The following CMKLR2 variants were observed in gnomAD, a reference collection of about 807,000 sequenced individuals.
CMKLR2 encodes chemerin chemokine-like receptor 2.
CMKLR2 carries 18 observed loss-of-function variants against 23.0 expected under a neutral mutation model. The observed-to-expected ratio is 0.78, with a 90% CI of 0.54 to 1.16. The LOEUF (loss-of-function observed/expected upper bound fraction) is 1.16. CMKLR2 is among the 50% of genes most tolerant of loss of function. The pLI is 0.00. For synonymous variants in CMKLR2, 158 were observed against 158.9 expected, an observed-to-expected ratio of 0.99 and a Z score of 0.05; for missense variants, 401 against 412.7, an observed-to-expected ratio of 0.97 and a Z score of 0.25.
chr2:206,196,019 A>G (rs1320832957), intron 1 of CMKLR2, among the ~76,000 whole-genome samples: 2 of 152,114 alleles, frequency 1.3e-5, no homozygotes, highest in Non-Finnish European at 2.9e-5. Context: ...TCTTATCTAA[A>G]TTGGTAAATG....
At chr2:206,185,645 G>A (rs878953016) in intron 1 of CMKLR2, among the ~76,000 whole-genome samples, 1 of 152,144 alleles carries the variant, frequency 6.6e-6, no homozygotes, top group Non-Finnish European at 1.5e-5. Flanking sequence ...TAGACTGTTA[G>A]GTATAATGGT....
At chr2:206,180,718 G>A (rs11676076) in intron 1 of CMKLR2, among the ~76,000 whole-genome samples, 57,813 of 136,942 alleles carry the variant, frequency 0.42, 11,669 homozygotes, top group African/African-American at 0.53. Flanking sequence ...ACAGGAGTGA[G>A]TAACTGTGCC....
chr2:206,193,018 C>T (rs1350926181), intron 1 of CMKLR2, among the ~76,000 whole-genome samples: 2 of 152,094 alleles, frequency 1.3e-5, no homozygotes, highest in East Asian at 3.8e-4. Flanking sequence ...AAAGCCTGGG[C>T]ATGTTTAGTA....
At chr2:206,181,534 G>A (rs943656832) in intron 1 of CMKLR2, among the ~76,000 whole-genome samples, 2 of 152,070 alleles carry the variant, frequency 1.3e-5, no homozygotes, top group African/African-American at 4.8e-5. Flanking sequence ...ACTATTAATA[G>A]CCTTCTGTTG....
chr2:206,197,204 G>A (rs182585620), intron 1 of CMKLR2, among the ~76,000 whole-genome samples: 14 of 151,984 alleles, frequency 9.2e-5, no homozygotes, highest in East Asian at 1.9e-4. Flanking sequence ...CACTGCGCCC[G>A]GCCCAAATGC....
At chr2:206,214,140 C>A (rs1437092215), upstream of CMKLR2, among the ~76,000 whole-genome samples, 2 of 143,586 alleles carry the variant, frequency 1.4e-5, no homozygotes, top group Admixed American at 7.4e-5. Context: ...AGGCATGAAC[C>A]ACCACGCCTG....
At position 206,176,799 on chromosome 2, in the gene CMKLR2, G is replaced by A; in HGVS notation, c.449C>T (p.Thr150Ile). 6.2e-7 allele frequency: 1 copy of A among 1,614,118 alleles called. No homozygotes were observed. The highest frequency in any genetic ancestry group is 8.5e-7 in the Non-Finnish European group (1 of 1,180,008). Residue 150 changes from threonine to isoleucine, a missense_variant, in exon 2 of 2, where the codon ACC becomes ATC. Thr to Ile is a moderately conservative substitution (Grantham distance 89). Transcript: ENST00000621141. ...IHPVLSHRHR[T>I]LKNSLIVIIF... ...AATGACAATCAGAGAGTTCTTGAGG[G>A]TTCGATGCCGATGAGATAAGACAGG... is the stretch of plus-strand genomic sequence containing the variant.
upstream of CMKLR2, chr2:206,217,768 G>A (rs1689800416): frequency 6.6e-6 from 1 of 152,208 alleles, no homozygotes; most frequent in Non-Finnish European, 1.5e-5. Flanking sequence ...CACAAGGCAT[G>A]CGCGGGGTGT....
chr2:206,180,326 T>TA (rs78880450), intron 1 of CMKLR2, among the ~76,000 whole-genome samples: 15,016 of 142,034 alleles, frequency 0.11, 878 homozygotes, highest in Admixed American at 0.2. Flanking sequence ...AACTGTCTCT[T>TA]AAAAAAAAAA....
chr2:206,176,620 TCA>T lies in CMKLR2; in HGVS notation c.626_627del (p.Val209GlufsTer34), dbSNP rs1688224550. 1 of 1,614,160 alleles carries T rather than the reference TCA, an allele frequency of 6.2e-7. No homozygotes were observed. Among genetic ancestry groups the T allele is most frequent in the Non-Finnish European group, 8.5e-7 (1 of 1,180,036 alleles). On this transcript the variant is annotated frameshift_variant, in exon 2 of 2. Transcript: ENST00000621141. LOFTEE classifies it high-confidence loss of function. ...TLIRHHVLTWVKFIIGYLFPL... is the reference protein window; with the variant it reads ...TLIRHHVLTWXKFIIGYLFPL... Reference sequence around the variant, plus strand: ...GGGAAGAGATAGCCAATGATAAATTTCACCCAAGTCAGAACATGGTGCCTGAT... The same window carrying T: ...GGGAAGAGATAGCCAATGATAAATTTCCCAAGTCAGAACATGGTGCCTGAT...
At chr2:206,205,685 G>A (rs780380875) in intron 1 of CMKLR2, among the ~76,000 whole-genome samples, 3 of 151,068 alleles carry the variant, frequency 2.0e-5, no homozygotes, top group South Asian at 2.1e-4. Context: ...CACAGTGTTC[G>A]GTGTATTATT....
intron 1 of CMKLR2, among the ~76,000 whole-genome samples, chr2:206,205,529 ATTTT>A (rs35597653): frequency 1.4e-5 from 2 of 144,172 alleles, no homozygotes; most frequent in Non-Finnish European, 3.1e-5. Flanking sequence ...CACCCGGCTA[ATTTT>A]TTTTTTTTTT....
chr2:206,179,055 CTTTTTTTTTTTTTTTTTTTTT>C (rs71034421), intron 1 of CMKLR2, among the ~76,000 whole-genome samples: 4 of 49,354 alleles, frequency 8.1e-5, no homozygotes, highest in Non-Finnish European at 1.5e-4. Context: ...CTCCCTGTCC[CTTTTTTTTTTTTTTTTTTTTT>C]TTTTTTTTTT....
At chr2:206,211,411 G>A (rs1371523000) in intron 1 of CMKLR2, among the ~76,000 whole-genome samples, 3 of 151,800 alleles carry the variant, frequency 2.0e-5, no homozygotes, top group African/African-American at 7.3e-5. Flanking sequence ...CGCAGCCTCC[G>A]CCTCCCGGGT....
At chr2:206,188,888 A>G (rs369627882) in intron 1 of CMKLR2, among the ~76,000 whole-genome samples, 187 of 152,332 alleles carry the variant, frequency 1.2e-3, no homozygotes, top group Middle Eastern at 0.01. Flanking sequence ...CAGAAAGTGT[A>G]ATAATAAACA....
At chr2:206,183,624 T>C (rs1688484020) in intron 1 of CMKLR2, among the ~76,000 whole-genome samples, 1 of 152,146 alleles carries the variant, frequency 6.6e-6, no homozygotes, top group Non-Finnish European at 1.5e-5. Flanking sequence ...GAACAGCTGG[T>C]TGATGCTCAC....
Position 206,176,773 on chromosome 2 carries a change from T to C in CMKLR2, c.475A>G (p.Ile159Val). Residue 159 changes from isoleucine to valine, a missense_variant, in exon 2 of 2, where the codon ATA (isoleucine) becomes GTA (valine). Transcript: ENST00000621141. ...RTLKNSLIVI[I>V]FIWLLASLIG... ...AGAGAAGCCAAAAGCCAGATGAATA[T>C]AATGACAATCAGAGAGTTCTTGAGG... 1.2e-6 allele frequency: 2 copies of C among 1,614,054 alleles called. No homozygotes were observed. The highest frequency in any genetic ancestry group is 1.7e-6 in the Non-Finnish European group (2 of 1,180,022).
At chr2:206,200,863 G>A (rs976575530) in intron 1 of CMKLR2, among the ~76,000 whole-genome samples, 2 of 152,210 alleles carry the variant, frequency 1.3e-5, no homozygotes, top group African/African-American at 2.4e-5. Context: ...AATAATTTCT[G>A]TATCTTTTGT....
intron 1 of CMKLR2, among the ~76,000 whole-genome samples, chr2:206,192,141 C>G (rs1688769536): frequency 6.6e-6 from 1 of 151,494 alleles, no homozygotes; most frequent in Non-Finnish European, 1.5e-5. Context: ...CTGCGCCAGG[C>G]CTACTTTTTG....
Sources: gnomAD v4.1 joint callset for allele counts (sites outside exome capture counted in the v4.1 genomes callset) on GRCh38, gnomAD v4.1.1 for gene constraint, MANE v1.5 for transcripts, NCBI Gene and HGNC (gene_info 2026-07-23, HGNC 2026-07-21) for gene names.